Variants in ROBO2 observed in about 807,000 individuals in gnomAD.
ROBO2 encodes the protein roundabout homolog 2.
In ROBO2, 53 loss-of-function variants were observed where a neutral mutation model predicts 160.8. That is an observed-to-expected ratio of 0.33 (90% CI 0.26 to 0.41). ROBO2 has a LOEUF of 0.41. Among genes scored for constraint, ROBO2 ranks in the 10% least tolerant of loss-of-function variants. The pLI, the probability that ROBO2 is intolerant of heterozygous loss-of-function variation, is 1.00. For synonymous variants in ROBO2, 664 were observed against 611.7 expected (o/e 1.09, Z -1.26); for missense variants, 1,577 against 1,722.4 (o/e 0.92, Z 1.49).
chr3:77,265,109 G>C (rs1249944206), intron 2 of ROBO2, among the ~76,000 whole-genome samples: 1 of 152,050 alleles, frequency 6.6e-6, no homozygotes, highest in Non-Finnish European at 1.5e-5. Context: ...CTTCTAATGT[G>C]CTCCTCCAAG....
chr3:77,602,697 G>GCCA (rs1559706145), intron 20 of ROBO2, among the ~76,000 whole-genome samples: 6 of 53,906 alleles, frequency 1.1e-4, no homozygotes, highest in Non-Finnish European at 2.2e-4. Flanking sequence ...CACCGCCGCC[G>GCCA]CCACCACCAC....
chr3:76,450,300 T>G (rs564072389), intron 2 of ROBO2, among the ~76,000 whole-genome samples: 1 of 152,342 alleles, frequency 6.6e-6, no homozygotes, highest in African/African-American at 2.4e-5. Flanking sequence ...ATGTTTAAGA[T>G]AATTCTCACC....
chr3:76,238,553 C>A (rs1380585117), intron 2 of ROBO2, among the ~76,000 whole-genome samples: 1 of 151,618 alleles, frequency 6.6e-6, no homozygotes, highest in East Asian at 1.9e-4. Context: ...CCCAGGTCTC[C>A]CCCTAGACAT....
chr3:77,324,968 G>T (rs1034561644), intron 2 of ROBO2, among the ~76,000 whole-genome samples: 8 of 152,056 alleles, frequency 5.3e-5, no homozygotes, highest in African/African-American at 1.9e-4. Flanking sequence ...AGATGCTGTA[G>T]GTAGGAATGA....
chr3:76,735,374 A>C (rs1247098886), intron 2 of ROBO2, among the ~76,000 whole-genome samples: 1 of 152,220 alleles, frequency 6.6e-6, no homozygotes, highest in East Asian at 1.9e-4. Flanking sequence ...CTTGTAAGTG[A>C]GAGCAAAACA....
chr3:76,319,975 C>T (rs547098695), intron 2 of ROBO2, among the ~76,000 whole-genome samples: 20 of 151,938 alleles, frequency 1.3e-4, no homozygotes, highest in African/African-American at 3.9e-4. Flanking sequence ...ATTTGATAAA[C>T]GGAGGGGAAG....
At chr3:76,375,476 G>A (rs945645457) in intron 2 of ROBO2, among the ~76,000 whole-genome samples, 2 of 151,848 alleles carry the variant, frequency 1.3e-5, no homozygotes, top group Non-Finnish European at 2.9e-5. Flanking sequence ...GAAGCCCTGA[G>A]GCAATTATAA....
At chr3:77,166,027 A>G (rs1318845971) in intron 2 of ROBO2, among the ~76,000 whole-genome samples, 2 of 152,176 alleles carry the variant, frequency 1.3e-5, no homozygotes, top group African/African-American at 4.8e-5. Flanking sequence ...GCAGATGGTG[A>G]TACTTTACCC....
Position 76,095,737 on chromosome 3 carries a change from C to CATAGTATATAATATAGTATATTAT in ROBO2, c.109+158142_109+158143insATAATATAGTATATTATATAGTAT, listed in dbSNP as rs566696593. Among the ~76,000 whole-genome samples, 221 of 147,718 alleles carry CATAGTATATAATATAGTATATTAT rather than the reference C, an allele frequency of 1.5e-3. 1 individual carries two copies. Among genetic ancestry groups the CATAGTATATAATATAGTATATTAT allele is most frequent in the East Asian group, 9.8e-3 (48 of 4,894 alleles). ...TATATTATGAATTATATACAAGACA[C>CATAGTATATAATATAGTATATTAT]ATAGTATGCTTGACACACACACACA... On this transcript the variant is annotated intron_variant, in intron 2 of 26. Transcript: ENST00000487694.
chr3:76,778,784 C>G (rs986867067), intron 2 of ROBO2, among the ~76,000 whole-genome samples: 3 of 151,050 alleles, frequency 2.0e-5, no homozygotes, highest in Non-Finnish European at 4.5e-5. Flanking sequence ...GTTCAATTCC[C>G]ATCACCATTA....
chr3:76,911,054 C>T (rs559275024), intron 2 of ROBO2, among the ~76,000 whole-genome samples: 14 of 152,272 alleles, frequency 9.2e-5, no homozygotes, highest in Admixed American at 7.8e-4. Context: ...CTACCATCTG[C>T]ACTCCTAAGA....
intron 2 of ROBO2, among the ~76,000 whole-genome samples, chr3:75,951,450 T>C (rs768401541): frequency 6.6e-6 from 1 of 152,082 alleles, no homozygotes. Context: ...AATTTTTAGC[T>C]CTCAGCCATA....
At position 76,503,295 on chromosome 3, in the gene ROBO2, G is replaced by A. The variant is rs75500448; in HGVS notation, c.109+565693G>A. ...GTTAGTTAGCGCCCACCAGAATAAC[G>A]GTGGATCTGCCTTCCCCAGCCCACT... On this transcript the variant is annotated intron_variant, in intron 2 of 26. Transcript: ENST00000487694. Among the ~76,000 whole-genome samples, 736 of 152,054 alleles carry A rather than the reference G, an allele frequency of 4.8e-3. 2 individuals are homozygous for A. Among genetic ancestry groups the A allele is most frequent in the Non-Finnish European group, 8.1e-3 (550 of 68,004 alleles).
At chr3:77,390,520 G>T in intron 2 of ROBO2, among the ~76,000 whole-genome samples, 1 of 151,956 alleles carries the variant, frequency 6.6e-6, no homozygotes, top group East Asian at 1.9e-4. Context: ...AATCTCTCTC[G>T]CCTGCCACCA....
chr3:76,977,544 G>C (rs2059873996), intron 2 of ROBO2, among the ~76,000 whole-genome samples: 1 of 152,110 alleles, frequency 6.6e-6, no homozygotes, highest in South Asian at 2.1e-4. Flanking sequence ...GGAATAACTT[G>C]GTTGAGTATT....
intron 2 of ROBO2, among the ~76,000 whole-genome samples, chr3:77,370,881 C>A (rs1183118760): frequency 6.6e-6 from 1 of 152,130 alleles, no homozygotes; most frequent in Non-Finnish European, 1.5e-5. Context: ...AAAATATTTA[C>A]TCTCTAGACT....
intron 2 of ROBO2, among the ~76,000 whole-genome samples, chr3:76,481,425 G>C (rs1201946698): frequency 6.6e-6 from 1 of 152,124 alleles, no homozygotes; most frequent in Non-Finnish European, 1.5e-5. Flanking sequence ...AAGACACTGA[G>C]CAACTGGAAC....
At chr3:77,384,852 T>C (rs953404677) in intron 2 of ROBO2, among the ~76,000 whole-genome samples, 2 of 152,302 alleles carry the variant, frequency 1.3e-5, no homozygotes, top group South Asian at 2.1e-4. Context: ...CAAGATACTA[T>C]AAATTTCCCT....
At position 76,342,584 on chromosome 3, in the gene ROBO2, C is replaced by T. The variant is rs530576518; in HGVS notation, c.109+404982C>T. ...ATCTACCTTTTGCTCTGGATGGATA[C>T]ACTATCTCTATCTTCCAAGGCTGTT... is the stretch of plus-strand genomic sequence containing the variant. On this transcript the variant is annotated intron_variant, in intron 2 of 26. Coordinates refer to the ROBO2 transcript ENST00000487694. Among the ~76,000 whole-genome samples, 61 of 152,204 alleles carry T rather than the reference C, an allele frequency of 4.0e-4. No individual in the cohort carries two copies. In the East Asian group the frequency reaches 8.9e-3, roughly 22 times the overall value.
Sources: allele counts gnomAD v4.1 joint callset (sites outside exome capture counted in the v4.1 genomes callset), GRCh38; gene constraint gnomAD v4.1.1; transcripts MANE v1.5; gene names NCBI Gene and HGNC (gene_info 2026-07-23, HGNC 2026-07-21).